Variants in R3HCC1L observed in about 807,000 individuals in gnomAD.
R3HCC1L encodes R3H domain and coiled-coil containing 1 like.
Under a neutral mutation model 59.9 loss-of-function variants are expected in R3HCC1L, and 51 were observed. That is an observed-to-expected ratio of 0.85 (90% CI 0.68 to 1.07). The LOEUF is 1.07. R3HCC1L is among the 50% of genes least tolerant of loss of function. R3HCC1L has a pLI of 0.00. For missense variants in R3HCC1L, 965 were observed against 933.0 expected, an observed-to-expected ratio of 1.03 and a Z score of -0.45; for synonymous variants, 322 against 315.2, an observed-to-expected ratio of 1.02 and a Z score of -0.23.
chr10:98,230,756 A>T (rs554208101), intron 5 of R3HCC1L, among the ~76,000 whole-genome samples: 1 of 152,308 alleles, frequency 6.6e-6, no homozygotes, highest in Admixed American at 6.5e-5. Context: ...TCTAGGTTTT[A>T]TAACAGGTGA....
intron 5 of R3HCC1L, among the ~76,000 whole-genome samples, chr10:98,218,414 G>A (rs1279496300): frequency 2.6e-5 from 4 of 151,838 alleles, no homozygotes; most frequent in Non-Finnish European, 4.4e-5. Flanking sequence ...ATGATTCAAC[G>A]TATGCAAGTC....
chr10:98,164,006 C>G (rs884811), intron 4 of R3HCC1L, among the ~76,000 whole-genome samples: 61,383 of 151,896 alleles, frequency 0.4, 13,019 homozygotes, highest in South Asian at 0.57. Flanking sequence ...CTTTCTTACT[C>G]ACATCTAATG....
chr10:98,214,638 A>G (rs974093240), intron 5 of R3HCC1L, among the ~76,000 whole-genome samples: 1 of 152,168 alleles, frequency 6.6e-6, no homozygotes, highest in Non-Finnish European at 1.5e-5. Context: ...TGTTTTACCT[A>G]TAACTGTAAA....
chr10:98,194,877 C>T (rs1851254004), intron 4 of R3HCC1L, among the ~76,000 whole-genome samples: 1 of 152,090 alleles, frequency 6.6e-6, no homozygotes, highest in Non-Finnish European at 1.5e-5. Context: ...TGGGATTGTA[C>T]AATGGCACAG....
chr10:98,162,278 T>C (rs1847502104), intron 2 of R3HCC1L, among the ~76,000 whole-genome samples: 1 of 152,222 alleles, frequency 6.6e-6, no homozygotes, highest in South Asian at 2.1e-4. Flanking sequence ...AATATCCTTG[T>C]AGAAGTCTAG....
At chr10:98,179,509 T>C (rs1849406475) in intron 4 of R3HCC1L, among the ~76,000 whole-genome samples, 1 of 152,222 alleles carries the variant, frequency 6.6e-6, no homozygotes, top group East Asian at 1.9e-4. Context: ...ATCAGGGATA[T>C]TGGTCTAAAA....
chr10:98,244,097 A>G lies in R3HCC1L; in HGVS notation c.2276A>G (p.Lys759Arg). ...ATACTGCTCTTATTTACAGAGAGAA[A>G]GCGGTTGGAAGCCAAGCAACGGGAA... is the stretch of plus-strand genomic sequence containing the variant. The part of the protein sequence containing the change: ...LKKLQEARER[K>R]RLEAKQREDI... The change falls in exon 10 of 10, where the codon AAG becomes AGG. Residue 759 changes from lysine to arginine, a missense_variant. Transcript: ENST00000298999. The G allele has an allele frequency of 6.2e-7, 1 of 1,613,920 alleles. No homozygotes were observed. Among genetic ancestry groups the G allele is most frequent in the South Asian group, 1.1e-5 (1 of 91,078 alleles).
chr10:98,206,496 G>A (rs1852680617), intron 4 of R3HCC1L, among the ~76,000 whole-genome samples: 2 of 152,018 alleles, frequency 1.3e-5, no homozygotes, highest in African/African-American at 4.8e-5. Context: ...GACTTGATAA[G>A]CACTCAGTGT....
At chr10:98,163,127 T>G (rs1457247834) in intron 3 of R3HCC1L, among the ~76,000 whole-genome samples, 152 bp downstream of exon 3, 2 of 152,324 alleles carry the variant, frequency 1.3e-5, no homozygotes, top group East Asian at 3.9e-4. Context: ...GATGAGCTTC[T>G]AAAAAGTGCT....
At chr10:98,228,094 C>A (rs1411759649) in intron 5 of R3HCC1L, among the ~76,000 whole-genome samples, 1 of 152,162 alleles carries the variant, frequency 6.6e-6, no homozygotes, top group East Asian at 1.9e-4. Flanking sequence ...TGGGTATATA[C>A]CCAGTAATGG....
chr10:98,224,980 A>C (rs1855502941), intron 5 of R3HCC1L, among the ~76,000 whole-genome samples: 1 of 152,260 alleles, frequency 6.6e-6, no homozygotes, highest in South Asian at 2.1e-4. Flanking sequence ...AATAACAGGT[A>C]AAATTAATAA....
intron 2 of R3HCC1L, among the ~76,000 whole-genome samples, chr10:98,160,113 A>T (rs1426007952): frequency 6.6e-6 from 1 of 152,174 alleles, no homozygotes; most frequent in Non-Finnish European, 1.5e-5. Flanking sequence ...CCTATTACTC[A>T]TATTTTTGCT....
chr10:98,183,331 C>CTTTTTTTTT (rs35199381), intron 4 of R3HCC1L, among the ~76,000 whole-genome samples: 1 of 138,212 alleles, frequency 7.2e-6, no homozygotes, highest in Non-Finnish European at 1.6e-5. Context: ...TGTATTGTGT[C>CTTTTTTTTT]TTTTTTTTTT....
chr10:98,198,047 A>G (rs1266349766), intron 4 of R3HCC1L, among the ~76,000 whole-genome samples: 1 of 152,194 alleles, frequency 6.6e-6, no homozygotes, highest in Non-Finnish European at 1.5e-5. Flanking sequence ...TTAGAAAGTC[A>G]CTGGAAGCAG....
At chr10:98,181,349 C>T (rs963714425) in intron 4 of R3HCC1L, among the ~76,000 whole-genome samples, 4 of 152,236 alleles carry the variant, frequency 2.6e-5, no homozygotes, top group African/African-American at 4.8e-5. Flanking sequence ...AATATTGGAC[C>T]CCACTCTCTT....
intron 1 of R3HCC1L, among the ~76,000 whole-genome samples, chr10:98,135,592 AG>A (rs1161357276): frequency 6.6e-6 from 1 of 152,204 alleles, no homozygotes; most frequent in Non-Finnish European, 1.5e-5. Flanking sequence ...GTTAATAAAT[AG>A]GGGGAAAGTG....
intron 5 of R3HCC1L, among the ~76,000 whole-genome samples, chr10:98,220,122 ATTCT>A (rs1300430211): frequency 6.6e-6 from 1 of 151,940 alleles, no homozygotes; most frequent in Non-Finnish European, 1.5e-5. Context: ...AAGTTCAGAA[ATTCT>A]TTCTTCTGCT....
intron 4 of R3HCC1L, among the ~76,000 whole-genome samples, chr10:98,163,831 T>C (rs1219252726): frequency 6.6e-6 from 1 of 152,210 alleles, no homozygotes; most frequent in Non-Finnish European, 1.5e-5. Context: ...AATAGTAAAG[T>C]ATTATAAAAC....
At chr10:98,142,520 C>T (rs1845248491) in intron 1 of R3HCC1L, among the ~76,000 whole-genome samples, 1 of 151,974 alleles carries the variant, frequency 6.6e-6, no homozygotes, top group African/African-American at 2.4e-5. Context: ...TGTCTGTAGT[C>T]CCAGCTACTA....
Sources: allele counts gnomAD v4.1 joint callset (sites outside exome capture counted in the v4.1 genomes callset), GRCh38; gene constraint gnomAD v4.1.1; transcripts MANE v1.5; gene names NCBI Gene and HGNC (gene_info 2026-07-23, HGNC 2026-07-21).